The following ROBO2 variants were observed in gnomAD, a reference collection of about 807,000 sequenced individuals.
ROBO2 encodes the protein roundabout homolog 2.
In ROBO2, 53 loss-of-function variants were observed where a neutral mutation model predicts 160.8. The ratio of observed to expected loss-of-function variants is 0.33; its 90% CI spans 0.26 to 0.41. The LOEUF (loss-of-function observed/expected upper bound fraction) is 0.41, where lower values mean the gene tolerates loss of function less well. Among genes scored for constraint, ROBO2 ranks in the 10% least tolerant of loss-of-function variants. The pLI is 1.00. For missense variants in ROBO2, 1,577 were observed against 1,722.4 expected, an observed-to-expected ratio of 0.92 and a Z score of 1.49; for synonymous variants, 664 against 611.7, an observed-to-expected ratio of 1.09 and a Z score of -1.26.
Position 77,607,893 on chromosome 3 carries a change from C to G in ROBO2, c.3232C>G (p.Pro1078Ala), listed in dbSNP as rs200040879. 113 of 1,613,868 alleles carry G rather than the reference C, an allele frequency of 7.0e-5. No homozygotes were observed. Among genetic ancestry groups the G allele is most frequent in the Middle Eastern group, 6.6e-4 (4 of 6,082 alleles). Residue 1078 changes from proline to alanine, a missense_variant, in exon 21 of 26, where the codon CCA becomes GCA. By Grantham distance (27) the Pro-to-Ala change is conservative. Transcript: ENST00000461745. ...GGCCAATGTCCCTCTACCTCCCCCC[C>G]CAGTCCAGCCCCTTCCTGGCACGGA...
chr3:76,218,349 A>G (rs1703710204), intron 2 of ROBO2, among the ~76,000 whole-genome samples: 1 of 152,204 alleles, frequency 6.6e-6, no homozygotes, highest in African/African-American at 2.4e-5. Flanking sequence ...AGGGCATTCA[A>G]TTAGGAAAAG....
chr3:77,473,196 C>T (rs2153581522), intron 2 of ROBO2, among the ~76,000 whole-genome samples: 1 of 152,022 alleles, frequency 6.6e-6, no homozygotes, highest in Admixed American at 6.6e-5. Context: ...AGAAGTTGGC[C>T]ACCCCATCCC....
At chr3:77,506,299 C>T (rs765485808) in intron 5 of ROBO2, among the ~76,000 whole-genome samples, 30 of 152,076 alleles carry the variant, frequency 2.0e-4, no homozygotes, top group Non-Finnish European at 3.5e-4. Context: ...AAATATACTG[C>T]GTGGTGTCCC....
chr3:76,580,611 C>T (rs78679407), intron 2 of ROBO2, among the ~76,000 whole-genome samples: 1 of 151,858 alleles, frequency 6.6e-6, no homozygotes, highest in African/African-American at 2.4e-5. Flanking sequence ...TCCTATTGGC[C>T]AACAACCACC....
intron 2 of ROBO2, among the ~76,000 whole-genome samples, chr3:76,146,770 T>C: frequency 9.7e-6 from 1 of 102,770 alleles, no homozygotes; most frequent in South Asian, 4.2e-4. Context: ...CATTTTAGAA[T>C]TCTATCATTA....
intron 1 of ROBO2, among the ~76,000 whole-genome samples, chr3:77,072,535 T>C (rs2067534093): frequency 6.6e-6 from 1 of 152,156 alleles, no homozygotes; most frequent in Non-Finnish European, 1.5e-5. Flanking sequence ...TTCCACTTCT[T>C]ACCATGGCTA....
intron 2 of ROBO2, among the ~76,000 whole-genome samples, chr3:76,335,191 T>TG (rs2073792638): frequency 7.0e-6 from 1 of 143,706 alleles, no homozygotes; most frequent in Non-Finnish European, 1.5e-5. Flanking sequence ...TTTTTTTTTT[T>TG]TTTTTTTTTT....
chr3:76,374,527 A>G (rs779211876), intron 2 of ROBO2, among the ~76,000 whole-genome samples: 1 of 152,048 alleles, frequency 6.6e-6, no homozygotes, highest in Non-Finnish European at 1.5e-5. Context: ...GTAGTGGTTC[A>G]TATTTTTACA....
chr3:76,199,172 C>A (rs993035802), intron 2 of ROBO2, among the ~76,000 whole-genome samples: 1 of 152,096 alleles, frequency 6.6e-6, no homozygotes, highest in Non-Finnish European at 1.5e-5. Flanking sequence ...CATCCATACA[C>A]CCAATTATCA....
intron 2 of ROBO2, among the ~76,000 whole-genome samples, chr3:76,792,804 T>G (rs1445509564): frequency 6.6e-6 from 1 of 151,822 alleles, no homozygotes; most frequent in East Asian, 1.9e-4. Context: ...TTGTAGGATA[T>G]GAATAGCTGA....
chr3:77,483,776 TA>T (rs545046765), intron 4 of ROBO2, among the ~76,000 whole-genome samples: 9 of 148,030 alleles, frequency 6.1e-5, no homozygotes, highest in African/African-American at 2.0e-4. Context: ...ATAAATATAA[TA>T]AAAATATATA....
chr3:76,019,254 C>T (rs755032859), intron 2 of ROBO2, among the ~76,000 whole-genome samples: 22 of 151,250 alleles, frequency 1.5e-4, no homozygotes, highest in Non-Finnish European at 2.5e-4. Context: ...TATCGCCTCC[C>T]TACATGGTTA....
intron 2 of ROBO2, among the ~76,000 whole-genome samples, chr3:76,551,943 G>T (rs2083447594): frequency 1.3e-5 from 2 of 152,086 alleles, no homozygotes; most frequent in African/African-American, 4.8e-5. Flanking sequence ...ATCTGGTCTG[G>T]CAGTGTGAGC....
At chr3:77,521,592 G>A (rs1206562484) in intron 5 of ROBO2, among the ~76,000 whole-genome samples, 1 of 151,228 alleles carries the variant, frequency 6.6e-6, no homozygotes, top group Non-Finnish European at 1.5e-5. Flanking sequence ...AAAACTTGCA[G>A]ACAGAAAAGT....
At chr3:77,102,376 A>G (rs568198103) in intron 2 of ROBO2, among the ~76,000 whole-genome samples, 1 of 152,264 alleles carries the variant, frequency 6.6e-6, no homozygotes, top group East Asian at 1.9e-4. Context: ...CAAGGTGCCA[A>G]TGGGATTCTC....
chr3:76,321,634 C>T (rs2072536633), intron 2 of ROBO2, among the ~76,000 whole-genome samples: 1 of 152,150 alleles, frequency 6.6e-6, no homozygotes, highest in Non-Finnish European at 1.5e-5. Context: ...GTAAACTGTG[C>T]TACATTTAGG....
In ROBO2 at chr3:77,546,315, C is replaced by G. The variant is rs186985871; in HGVS notation, c.935-23C>G. The stretch of plus-strand genomic sequence containing the variant: ...TTTGTCTATGGTTGATATTTACACG[C>G]TTTCTTTTCTTTTAAATTATAGCTC... On this transcript the variant is annotated intron_variant, in intron 6 of 25. Coordinates refer to ENST00000461745, the Ensembl canonical transcript of ROBO2. 18 of 1,612,088 alleles carry G rather than the reference C, an allele frequency of 1.1e-5. No homozygotes were observed. The African/African-American group carries it at 1.9e-4, about 17-fold the overall frequency.
At chr3:77,083,600 G>T (rs569040695) in intron 1 of ROBO2, among the ~76,000 whole-genome samples, 1 of 152,072 alleles carries the variant, frequency 6.6e-6, no homozygotes, top group Non-Finnish European at 1.5e-5. Flanking sequence ...AAATTATGTC[G>T]AGAGACACAG....
intron 2 of ROBO2, among the ~76,000 whole-genome samples, chr3:77,468,289 C>G (rs2082994186): frequency 6.6e-6 from 1 of 152,192 alleles, no homozygotes; most frequent in Non-Finnish European, 1.5e-5. Context: ...GGCTCTTTAA[C>G]TGCAAACCAA....
Sources: allele counts gnomAD v4.1 joint callset (sites outside exome capture counted in the v4.1 genomes callset), GRCh38; gene constraint gnomAD v4.1.1; transcripts MANE v1.5; gene names NCBI Gene and HGNC (gene_info 2026-07-23, HGNC 2026-07-21).